Variants in MYO5A observed in about 807,000 individuals in gnomAD.
MYO5A encodes unconventional myosin-Va.
A neutral mutation model predicts 249.7 loss-of-function variants in MYO5A; 98 were observed. The ratio of observed to expected loss-of-function variants is 0.39; its 90% CI spans 0.33 to 0.46. MYO5A has a LOEUF of 0.46. Among genes scored for constraint, MYO5A ranks in the 20% least tolerant of loss-of-function variants. The probability of loss-of-function intolerance (pLI) is 0.98; values close to 1 mark genes in which losing one functional copy is unlikely to be tolerated. For missense variants in MYO5A, 1,696 were observed against 2,308.8 expected (o/e 0.73, Z 5.44); for synonymous variants, 778 against 810.6 (o/e 0.96, Z 0.68).
rs1693512 is a variant in MYO5A, at chr15:52,528,589, C to G, written c.27+191G>C. Among the ~76,000 whole-genome samples, 15,353 of 152,308 alleles carry G rather than the reference C, an allele frequency of 0.1. 2,521 individuals are homozygous for G. The highest frequency in any genetic ancestry group is 0.34 in the African/African-American group (14,246 of 41,546). On this transcript the variant is annotated intron_variant, in intron 1 of 41. Transcript: ENST00000399233. ...GGCGGGCCACCTTCCGCCGCCTTCA[C>G]CATCTCGCCCGAAAGAGGAAGGTGC...
chr15:52,342,893 G>A (rs778914103), intron 31 of MYO5A, among the ~76,000 whole-genome samples: 2 of 150,810 alleles, frequency 1.3e-5, no homozygotes, highest in Admixed American at 6.6e-5. Flanking sequence ...TCCAGCCTAG[G>A]CAACAGAGTG....
intron 12 of MYO5A, among the ~76,000 whole-genome samples, chr15:52,390,460 T>A (rs557151904): frequency 6.6e-6 from 1 of 151,974 alleles, no homozygotes; most frequent in Non-Finnish European, 1.5e-5. Context: ...TGTAGTTACA[T>A]AGTGAAGCAT....
chr15:52,407,491 C>T (rs1006809049), intron 7 of MYO5A, 92 bp from the exon 8 acceptor site: 2 of 822,080 alleles, frequency 2.4e-6, no homozygotes, highest in African/African-American at 3.4e-5. Context: ...GGTGATAGCA[C>T]AGTTGAGTGT....
intron 5 of MYO5A, 32 bp downstream of exon 5, chr15:52,416,113 A>G: frequency 6.2e-7 from 1 of 1,612,496 alleles, no homozygotes; most frequent in Non-Finnish European, 8.5e-7. Flanking sequence ...TCAAGAGAAT[A>G]TAGGAAGAAA....
chr15:52,334,743 G>C (rs1196604504), intron 34 of MYO5A, among the ~76,000 whole-genome samples: 1 of 152,156 alleles, frequency 6.6e-6, no homozygotes, highest in East Asian at 1.9e-4. Flanking sequence ...GGGAAACAGA[G>C]ATGTTTTCTA....
chr15:52,387,934 T>A (rs1248793886), intron 13 of MYO5A, 22 bp from the exon 14 acceptor site: 1 of 1,533,334 alleles, frequency 6.5e-7, no homozygotes, highest in Admixed American at 1.7e-5. Flanking sequence ...TGGAAAAATC[T>A]CCTTAACTGA....
intron 1 of MYO5A, among the ~76,000 whole-genome samples, chr15:52,477,357 G>A (rs754580798): frequency 6.6e-6 from 1 of 152,180 alleles, no homozygotes; most frequent in African/African-American, 2.4e-5. Flanking sequence ...TTAGCTTGGA[G>A]AAGTTTGTTA....
At chr15:52,373,524 C>T (rs866058358) in intron 20 of MYO5A, among the ~76,000 whole-genome samples, 2 of 152,178 alleles carry the variant, frequency 1.3e-5, no homozygotes, top group African/African-American at 4.8e-5. Flanking sequence ...TAAGACCCCC[C>T]CACTCCAAAT....
intron 1 of MYO5A, among the ~76,000 whole-genome samples, chr15:52,527,213 G>A (rs1595849796): frequency 6.6e-6 from 1 of 152,170 alleles, no homozygotes; most frequent in African/African-American, 2.4e-5. Flanking sequence ...ATCTCTTCAT[G>A]TGAAAATGAT....
intron 1 of MYO5A, among the ~76,000 whole-genome samples, chr15:52,513,415 G>A (rs1415077645): frequency 6.5e-5 from 9 of 137,874 alleles, no homozygotes; most frequent in Non-Finnish European, 1.3e-4. Context: ...TGGGCAACAA[G>A]AGCAAAACTC....
chr15:52,520,362 A>G (rs139706813), intron 1 of MYO5A, among the ~76,000 whole-genome samples: 48 of 152,232 alleles, frequency 3.2e-4, no homozygotes, highest in African/African-American at 1.1e-3. Flanking sequence ...TACTGCCTAG[A>G]GGCCCAATGA....
At chr15:52,417,616 C>T (rs1194810447) in intron 4 of MYO5A, among the ~76,000 whole-genome samples, 1 of 152,046 alleles carries the variant, frequency 6.6e-6, no homozygotes. Flanking sequence ...GGAGGTGGGG[C>T]CTTTAAGAGC....
intron 24 of MYO5A, among the ~76,000 whole-genome samples, chr15:52,361,404 T>C (rs2040518626): frequency 6.6e-6 from 1 of 152,176 alleles, no homozygotes; most frequent in Non-Finnish European, 1.5e-5. Flanking sequence ...TCTTCCCACA[T>C]ATGTCTATCA....
At chr15:52,435,339 C>A (rs968916146) in intron 1 of MYO5A, among the ~76,000 whole-genome samples, 1 of 144,134 alleles carries the variant, frequency 6.9e-6, no homozygotes, top group Admixed American at 7.3e-5. Flanking sequence ...TGCAGTGGCA[C>A]GATCTCGGCT....
chr15:52,471,766 A>T (rs548972096), intron 1 of MYO5A, among the ~76,000 whole-genome samples: 1 of 152,178 alleles, frequency 6.6e-6, no homozygotes, highest in East Asian at 1.9e-4. Context: ...TGGTGCATTC[A>T]TGGCTCACTG....
At chr15:52,411,746 A>T (rs1326347266) in intron 5 of MYO5A, among the ~76,000 whole-genome samples, 2 of 152,234 alleles carry the variant, frequency 1.3e-5, no homozygotes, top group African/African-American at 2.4e-5. Flanking sequence ...AAACAATAGT[A>T]ACACAGCCAT....
chr15:52,500,044 C>T (rs1442830361), intron 1 of MYO5A, among the ~76,000 whole-genome samples: 1 of 152,142 alleles, frequency 6.6e-6, no homozygotes, highest in Non-Finnish European at 1.5e-5. Context: ...CAGAGGAATA[C>T]TGCCTCTTAA....
rs2043092609 is a variant in MYO5A at position 52,408,199 on chromosome 15, A to G, written c.757-59T>C. 10 of 978,788 alleles carry G rather than the reference A, an allele frequency of 1.0e-5. No homozygotes were observed. In the South Asian group the frequency reaches 1.4e-4, roughly 13 times the overall value. 60.6% of individuals were successfully genotyped at this position (978,788 alleles called of 1,614,324 possible). A position where few individuals can be genotyped will look rare whatever the true frequency, so the allele number is the denominator to read the frequency against. Reference sequence around the variant, plus strand: ...TTTAATCTAAAATTCAGGGAATTCTATCATAAAATAAGATTTTAATATTTA... The same window carrying G: ...TTTAATCTAAAATTCAGGGAATTCTGTCATAAAATAAGATTTTAATATTTA... On this transcript the variant is annotated intron_variant, in intron 6 of 41. Transcript: ENST00000399233.
At chr15:52,378,936 A>G (rs1190508246) in intron 18 of MYO5A, among the ~76,000 whole-genome samples, 4 of 152,044 alleles carry the variant, frequency 2.6e-5, no homozygotes, top group African/African-American at 9.7e-5. Context: ...AAGTTGGAGA[A>G]CTCTTTAGCC....
Sources: allele counts gnomAD v4.1 joint callset (sites outside exome capture counted in the v4.1 genomes callset), GRCh38; gene constraint gnomAD v4.1.1; transcripts MANE v1.5; gene names NCBI Gene and HGNC (gene_info 2026-07-23, HGNC 2026-07-21).